PINX1: variants seen among roughly 807,000 people sequenced by gnomAD.
PINX1 encodes PIN2 (TERF1) interacting telomerase inhibitor 1.
In PINX1, 34 loss-of-function variants were observed where a neutral mutation model predicts 25.4. The ratio of observed to expected loss-of-function variants is 1.34; its 90% CI spans 1.02 to 1.78. PINX1 has a LOEUF of 1.78. PINX1 is among the 40% of genes most tolerant of loss of function. The pLI is 0.00. For synonymous variants in PINX1, 197 were observed against 147.7 expected (o/e 1.33, Z -2.42); for missense variants, 592 against 404.9 (o/e 1.46, Z -3.97).
intron 6 of PINX1, among the ~76,000 whole-genome samples, chr8:10,790,728 C>T (rs1430095318): frequency 2.0e-5 from 3 of 152,016 alleles, no homozygotes; most frequent in African/African-American, 7.3e-5. Context: ...AGTCTGGCCC[C>T]TCCTTGCCCT....
At chr8:10,807,740 C>G (rs973340244) in intron 6 of PINX1, among the ~76,000 whole-genome samples, 1 of 152,114 alleles carries the variant, frequency 6.6e-6, no homozygotes, top group African/African-American at 2.4e-5. Flanking sequence ...GACCATCTGC[C>G]ACAGTATTAA....
chr8:10,820,081 GT>G (rs2129085687), intron 6 of PINX1, 111 bp downstream of exon 6: 2 of 725,882 alleles, frequency 2.8e-6, no homozygotes, highest in East Asian at 5.3e-5. Context: ...CCTCCAAAGT[GT>G]TTTGGAAAGT....
chr8:10,806,443 C>T (rs1802455062), intron 6 of PINX1, among the ~76,000 whole-genome samples: 1 of 152,094 alleles, frequency 6.6e-6, no homozygotes, highest in Admixed American at 6.5e-5. Context: ...GGGAATGATG[C>T]CAGGTCTAAG....
chr8:10,825,164 A>C (rs17776946), intron 5 of PINX1, among the ~76,000 whole-genome samples: 24,749 of 152,206 alleles, frequency 0.16, 2,521 homozygotes, highest in Non-Finnish European at 0.23. Context: ...CCTGGCCCTA[A>C]ATGAAAAGCA....
rs34779174 is a variant in PINX1, at chr8:10,765,716, C to T, written c.672G>A (p.Val224=). The T allele has an allele frequency of 5.6e-6, 9 of 1,613,896 alleles. No homozygotes were observed. In the African/African-American group the frequency reaches 1.2e-4, roughly 22 times the overall value. The part of the protein sequence containing the change: ...KRNKEATGKD[V]ESYLQPKAKR... ...TGGCCTTAGGCTGGAGGTAACTTTCCACATCTTTACCTGTGGCCTCTTTAT... is the reference window on the plus strand; with the variant it reads ...TGGCCTTAGGCTGGAGGTAACTTTCTACATCTTTACCTGTGGCCTCTTTAT... The change falls in exon 7 of 7, where the codon GTG becomes GTA. Residue 224 remains valine (V), a synonymous_variant. Transcript: ENST00000314787.
intron 6 of PINX1, among the ~76,000 whole-genome samples, chr8:10,782,540 A>G (rs1801619360): frequency 6.6e-6 from 1 of 152,050 alleles, no homozygotes; most frequent in Non-Finnish European, 1.5e-5. Flanking sequence ...GTTCAAGACC[A>G]ACGTGGCCAA....
At chr8:10,807,504 T>G (rs1245133888) in intron 6 of PINX1, among the ~76,000 whole-genome samples, 1 of 152,050 alleles carries the variant, frequency 6.6e-6, no homozygotes, top group Non-Finnish European at 1.5e-5. Context: ...ATCTTCATAC[T>G]GAAAGTTCTA....
chr8:10,808,784 G>A (rs535877235), intron 6 of PINX1, among the ~76,000 whole-genome samples: 18 of 152,182 alleles, frequency 1.2e-4, no homozygotes, highest in African/African-American at 3.9e-4. Context: ...AAAACCAATC[G>A]GCCTATCTGA....
chr8:10,814,638 T>C (rs1271294459), intron 6 of PINX1, among the ~76,000 whole-genome samples: 1 of 152,238 alleles, frequency 6.6e-6, no homozygotes, highest in Non-Finnish European at 1.5e-5. Flanking sequence ...AGATTATGAG[T>C]ACTTCCTACT....
intron 6 of PINX1, among the ~76,000 whole-genome samples, chr8:10,809,336 C>T (rs1182037213): frequency 1.3e-5 from 2 of 152,220 alleles, no homozygotes; most frequent in Admixed American, 6.5e-5. Flanking sequence ...GAAAGAGTAG[C>T]CTTCCTGTTT....
intron 6 of PINX1, among the ~76,000 whole-genome samples, chr8:10,818,322 A>G (rs2409655): frequency 0.26 from 38,878 of 152,114 alleles, 5,260 homozygotes; most frequent in Non-Finnish European, 0.28. Flanking sequence ...ACACAGGTGG[A>G]TGTCTCACTT....
intron 6 of PINX1, among the ~76,000 whole-genome samples, chr8:10,767,736 G>A (rs13271456): frequency 0.027 from 4,041 of 148,306 alleles, 63 homozygotes; most frequent in South Asian, 0.06. Context: ...CACAGAGACA[G>A]GCTCGGTGAC....
At chr8:10,787,828 G>A (rs1381511656) in intron 6 of PINX1, 1 of 454,860 alleles carries the variant, frequency 2.2e-6, no homozygotes, top group Non-Finnish European at 4.4e-6. Flanking sequence ...ACAATAAACT[G>A]CAAAGAAAAA....
rs1802265869 is a variant in PINX1, at chr8:10,801,629, T to C, written c.471+18564A>G. ...TCTTTTCCAGCTATAAAATTTCCAG[T>C]GTGATCCAAAGTCACACTGAGGGCT... On this transcript the variant is annotated intron_variant, in intron 6 of 6. Coordinates refer to ENST00000314787, the MANE Select transcript of PINX1 (RefSeq NM_017884.6). Among the ~76,000 whole-genome samples, 3 of 152,304 alleles carry C rather than the reference T, an allele frequency of 2.0e-5. No individual in the cohort carries two copies. In the South Asian group the frequency reaches 6.2e-4, roughly 32 times the overall value.
At chr8:10,817,722 C>G (rs1452246499) in intron 6 of PINX1, among the ~76,000 whole-genome samples, 1 of 152,126 alleles carries the variant, frequency 6.6e-6, no homozygotes, top group Non-Finnish European at 1.5e-5. Flanking sequence ...GGCTCTCAGC[C>G]CCCGCCCAGG....
At chr8:10,807,793 G>C (rs998946161) in intron 6 of PINX1, among the ~76,000 whole-genome samples, 1 of 152,188 alleles carries the variant, frequency 6.6e-6, no homozygotes, top group Non-Finnish European at 1.5e-5. Flanking sequence ...AGCTGTGGAA[G>C]ATGAGTGAGG....
chr8:10,787,367 T>G (rs1258286954), intron 6 of PINX1, among the ~76,000 whole-genome samples: 1 of 151,880 alleles, frequency 6.6e-6, no homozygotes, highest in Admixed American at 6.6e-5. Flanking sequence ...GCTGGGACTA[T>G]AAGTGCATGG....
chr8:10,792,057 G>A lies in PINX1; in HGVS notation c.472-26141C>T, dbSNP rs374547250. 1.5e-4 allele frequency among the ~76,000 whole-genome samples: 23 copies of A among 152,306 alleles called. 1 individual carries two copies. The South Asian group carries it at 4.4e-3, about 29-fold the overall frequency. On this transcript the variant is annotated intron_variant, in intron 6 of 6. Transcript: ENST00000314787. The stretch of plus-strand genomic sequence containing the variant: ...GCTCAGGACCAGCAAGGGTAGCGCT[G>A]GAGCTTGTCTGTATTACGATCAGCT...
At chr8:10,779,241 G>A (rs114634408) in intron 6 of PINX1, among the ~76,000 whole-genome samples, 2,129 of 152,260 alleles carry the variant, frequency 0.014, 49 homozygotes, top group African/African-American at 0.049. Context: ...GATCCTGGGC[G>A]TCAGGTTCCA....
Sources: gnomAD v4.1 joint callset for allele counts (sites outside exome capture counted in the v4.1 genomes callset) on GRCh38, gnomAD v4.1.1 for gene constraint, MANE v1.5 for transcripts, NCBI Gene and HGNC (gene_info 2026-07-23, HGNC 2026-07-21) for gene names.